ADAM18: variants seen among roughly 807,000 people sequenced by gnomAD.
ADAM18 encodes the protein disintegrin and metalloproteinase domain-containing protein 18.
ADAM18 carries 117 observed loss-of-function variants against 94.4 expected under a neutral mutation model. That is an observed-to-expected ratio of 1.24 (90% CI 1.07 to 1.45). The LOEUF is 1.45. ADAM18 is among the 40% of genes most tolerant of loss of function. The pLI is 0.00. For synonymous variants in ADAM18, 327 were observed against 291.6 expected, an observed-to-expected ratio of 1.12 and a Z score of -1.24; for missense variants, 936 against 880.0, an observed-to-expected ratio of 1.06 and a Z score of -0.81.
intron 17 of ADAM18, among the ~76,000 whole-genome samples, chr8:39,701,285 A>G (rs1038753919): frequency 6.7e-6 from 1 of 150,346 alleles, no homozygotes; most frequent in African/African-American, 2.4e-5. Flanking sequence ...TGATATGTTC[A>G]TTGTGGTGTA....
chr8:39,653,432 G>A (rs1398931877), intron 12 of ADAM18, among the ~76,000 whole-genome samples: 1 of 151,990 alleles, frequency 6.6e-6, no homozygotes, highest in Non-Finnish European at 1.5e-5. Context: ...AGATAAAATT[G>A]ACAAATTATC....
chr8:39,662,818 T>G (rs2129580052), intron 12 of ADAM18, among the ~76,000 whole-genome samples: 1 of 152,178 alleles, frequency 6.6e-6, no homozygotes, highest in Non-Finnish European at 1.5e-5. Context: ...AAAGGTGGGG[T>G]TTCACCATGT....
chr8:39,644,364 C>T (rs555112153), intron 10 of ADAM18, among the ~76,000 whole-genome samples: 2 of 152,276 alleles, frequency 1.3e-5, no homozygotes, highest in South Asian at 4.1e-4. Context: ...GCAATCAGCT[C>T]ACTGCAACCC....
chr8:39,728,970 A>C (rs1490580553), intron 19 of ADAM18, among the ~76,000 whole-genome samples: 1 of 152,190 alleles, frequency 6.6e-6, no homozygotes, highest in Admixed American at 6.5e-5. Context: ...ACAATTTTTC[A>C]TTCCCACCAA....
At chr8:39,725,032 G>A (rs184700896) in intron 19 of ADAM18, among the ~76,000 whole-genome samples, 1 of 151,752 alleles carries the variant, frequency 6.6e-6, no homozygotes, top group African/African-American at 2.4e-5. Context: ...TGAATAGAAG[G>A]TGTATTTACT....
intron 6 of ADAM18, among the ~76,000 whole-genome samples, chr8:39,626,359 T>A (rs1819768848): frequency 6.6e-6 from 1 of 152,084 alleles, no homozygotes; most frequent in Non-Finnish European, 1.5e-5. Flanking sequence ...AGAACCAAGT[T>A]TTCATTTCAT....
At chr8:39,659,608 T>C (rs933005463) in intron 12 of ADAM18, among the ~76,000 whole-genome samples, 2 of 152,038 alleles carry the variant, frequency 1.3e-5, no homozygotes, top group Non-Finnish European at 2.9e-5. Flanking sequence ...CCCTGAAATA[T>C]ATAAAACAAA....
At position 39,723,798 on chromosome 8, in the gene ADAM18, A is replaced by C; in HGVS notation, c.2068A>C (p.Ile690Leu). ...GYNTHWNNWF[I>L]LSFCIFLPFF... The stretch of plus-strand genomic sequence containing the variant: ...CAATACACACTGGAACAACTGGTTT[A>C]TTCTGAGTTTCTGCATTTTTCTGCC... Residue 690 changes from isoleucine to leucine, a missense_variant, in exon 19 of 20, where the codon ATT becomes CTT. Physicochemically the swap from Ile to Leu is conservative, Grantham distance 5. Transcript: ENST00000265707. 1 of 1,589,172 alleles carries C rather than the reference A, an allele frequency of 6.3e-7. No individual in the cohort carries two copies. The highest frequency in any genetic ancestry group is 8.6e-7 in the Non-Finnish European group (1 of 1,168,064).
intron 16 of ADAM18, among the ~76,000 whole-genome samples, chr8:39,682,295 A>C (rs1821484196): frequency 6.6e-6 from 1 of 152,232 alleles, no homozygotes; most frequent in South Asian, 2.1e-4. Flanking sequence ...ATTTGTGAGC[A>C]TGTCTTTTGT....
At chr8:39,627,293 G>A (rs1819799052) in intron 6 of ADAM18, among the ~76,000 whole-genome samples, 1 of 152,084 alleles carries the variant, frequency 6.6e-6, no homozygotes, top group African/African-American at 2.4e-5. Context: ...TTACATGTCA[G>A]CAGGCAAGAG....
intron 12 of ADAM18, among the ~76,000 whole-genome samples, chr8:39,654,326 T>C (rs1246275591): frequency 6.6e-6 from 1 of 151,386 alleles, no homozygotes; most frequent in Non-Finnish European, 1.5e-5. Context: ...CGCCTTGGCC[T>C]CCCAAAGTGC....
At chr8:39,650,744 C>G (rs908023648) in intron 12 of ADAM18, among the ~76,000 whole-genome samples, 14 of 152,164 alleles carry the variant, frequency 9.2e-5, no homozygotes, top group African/African-American at 3.4e-4. Context: ...TAATCTCTAT[C>G]AAAATCCCAA....
chr8:39,692,060 T>C (rs1413652568), intron 16 of ADAM18, among the ~76,000 whole-genome samples: 1 of 151,860 alleles, frequency 6.6e-6, no homozygotes, highest in East Asian at 1.9e-4. Context: ...ACACCACATA[T>C]CTGGGTGATT....
intron 17 of ADAM18, 106 bp downstream of exon 17, chr8:39,692,786 G>A: frequency 1.3e-6 from 1 of 761,914 alleles, no homozygotes; most frequent in Non-Finnish European, 2.0e-6. Context: ...AGCTCTGGTA[G>A]ACTAATATAA....
intron 17 of ADAM18, among the ~76,000 whole-genome samples, chr8:39,702,955 T>A (rs934055925): frequency 6.6e-5 from 10 of 152,218 alleles, no homozygotes; most frequent in African/African-American, 1.9e-4. Flanking sequence ...AGGATTGCCC[T>A]GGCCATTTGG....
rs139696595 is a variant in ADAM18, at chr8:39,726,498, A to G, written c.2177+2591A>G. On this transcript the variant is annotated intron_variant, in intron 19 of 19. Transcript: ENST00000265707. Reference sequence around the variant, plus strand: ...GTTTGCAAATACTTTGTCTCATTCTATAGGCTGCCTTTTTATTTCATTGAT... The same window carrying G: ...GTTTGCAAATACTTTGTCTCATTCTGTAGGCTGCCTTTTTATTTCATTGAT... 3.4e-4 allele frequency among the ~76,000 whole-genome samples: 52 copies of G among 152,086 alleles called. No homozygotes were observed. The East Asian group carries it at 9.9e-3, about 29-fold the overall frequency.
intron 19 of ADAM18, among the ~76,000 whole-genome samples, chr8:39,725,222 A>G (rs1822869955): frequency 6.6e-6 from 1 of 152,046 alleles, no homozygotes; most frequent in African/African-American, 2.4e-5. Flanking sequence ...CTTAATATAT[A>G]CATCTTGATG....
intron 16 of ADAM18, among the ~76,000 whole-genome samples, chr8:39,682,658 A>G (rs1420069721): frequency 6.6e-6 from 1 of 152,202 alleles, no homozygotes; most frequent in Non-Finnish European, 1.5e-5. Context: ...CACACTTTGA[A>G]TTAAAATATC....
chr8:39,605,675 A>AT (rs546038453), intron 2 of ADAM18: 8 of 218,740 alleles, frequency 3.7e-5, no homozygotes, highest in African/African-American at 1.4e-4. Flanking sequence ...AAATATATAT[A>AT]TTTTTTTAAA....
Sources: gnomAD v4.1 joint callset for allele counts (sites outside exome capture counted in the v4.1 genomes callset) on GRCh38, gnomAD v4.1.1 for gene constraint, MANE v1.5 for transcripts, NCBI Gene and HGNC (gene_info 2026-07-23, HGNC 2026-07-21) for gene names.